Variants in COL5A1 observed in about 807,000 individuals in gnomAD.
COL5A1 encodes collagen type V alpha 1 chain, also known as collagen alpha-1(V) chain.
Under a neutral mutation model 263.7 loss-of-function variants are expected in COL5A1, and 16 were observed. That is an observed-to-expected ratio of 0.06 (90% CI 0.04 to 0.09). The LOEUF is 0.09. Among genes scored for constraint, COL5A1 ranks in the 10% least tolerant of loss-of-function variants. The pLI is 1.00. For missense variants in COL5A1, 2,036 were observed against 2,540.5 expected, an observed-to-expected ratio of 0.80 and a Z score of 4.27; for synonymous variants, 1,012 against 1,004.5, an observed-to-expected ratio of 1.01 and a Z score of -0.14.
At chr9:134,760,660 CACA>C (rs2132713196) in intron 18 of COL5A1, among the ~76,000 whole-genome samples, 2 of 136,654 alleles carry the variant, frequency 1.5e-5, no homozygotes, top group African/African-American at 2.8e-5. Context: ...TGCACACACA[CACA>C]CCACACATGC....
Position 134,758,424 on chromosome 9 carries a change from T to C in COL5A1, c.1935+128T>C. ...AGGTCTCCGCCATTCCAACAGTCAG[T>C]ATACAAACCTCACGGGAGTCAGCAA... On this transcript the variant is annotated intron_variant, in intron 18 of 65. Coordinates refer to ENST00000371817, the MANE Select transcript of COL5A1 (RefSeq NM_000093.5). This position sits in a 1 kb window ranked among gnomAD's most constrained non-coding sequence, Gnocchi z 4.1. 1.1e-6 allele frequency: 1 copy of C among 905,660 alleles called. No individual in the cohort carries two copies. The highest frequency in any genetic ancestry group is 2.6e-5 in the East Asian group (1 of 38,750). 56.1% of individuals were successfully genotyped at this position (905,660 alleles called of 1,614,324 possible). A position where few individuals can be genotyped will look rare whatever the true frequency, so the allele number is the denominator to read the frequency against.
intron 32 of COL5A1, among the ~76,000 whole-genome samples, chr9:134,791,706 G>A (rs1267731908): frequency 1.3e-5 from 2 of 151,452 alleles, no homozygotes; most frequent in Non-Finnish European, 2.9e-5. Flanking sequence ...AACAGATGCT[G>A]CCTCCCAGGT....
intron 60 of COL5A1, 90 bp from the exon 61 acceptor site, chr9:134,823,326 G>A: frequency 7.0e-7 from 1 of 1,421,422 alleles, no homozygotes; most frequent in Non-Finnish European, 1.0e-6. Context: ...CCCCCACATA[G>A]GTCTCCAGGG....
chr9:134,819,135 T>G, intron 57 of COL5A1, 82 bp downstream of exon 57: 70 of 1,416,576 alleles, frequency 4.9e-5, no homozygotes, highest in Non-Finnish European at 6.3e-5. Context: ...CAACAAGCTC[T>G]TGATCCGTCA....
chr9:134,754,440 T>A lies in COL5A1; in HGVS notation c.1827+114T>A. The A allele has an allele frequency of 8.0e-7, 1 of 1,247,006 alleles. No homozygotes were observed. The highest frequency in any genetic ancestry group is 1.2e-6 in the Non-Finnish European group (1 of 851,940). 77.2% of individuals were successfully genotyped at this position (1,247,006 alleles called of 1,614,324 possible). A position where few individuals can be genotyped will look rare whatever the true frequency, so the allele number is the denominator to read the frequency against. On this transcript the variant is annotated intron_variant, in intron 16 of 65. Transcript: ENST00000371817. This position sits in a 1 kb window ranked among gnomAD's most constrained non-coding sequence, Gnocchi z 4.3. ...GCTGGGCCACATGAAGCCAGGTGGC[T>A]CCCCTTCTTGTGATGGGTGCGTCCA...
intron 4 of COL5A1, among the ~76,000 whole-genome samples, chr9:134,703,850 A>G (rs7848062): frequency 0.45 from 67,803 of 151,350 alleles, 16,219 homozygotes; most frequent in Admixed American, 0.61. Context: ...TGTGTTAGCC[A>G]GGATGGTCTC....
intron 38 of COL5A1, among the ~76,000 whole-genome samples, chr9:134,802,282 G>T (rs529350733): frequency 6.6e-6 from 1 of 152,176 alleles, no homozygotes; most frequent in Non-Finnish European, 1.5e-5. Context: ...GCCAGCTCAG[G>T]AGCTGGGCTC....
intron 4 of COL5A1, among the ~76,000 whole-genome samples, chr9:134,724,208 TC>T (rs1344929270): frequency 6.6e-6 from 1 of 152,188 alleles, no homozygotes; most frequent in East Asian, 1.9e-4. Context: ...GCACATGCCT[TC>T]CCCCATTGAC....
chr9:134,644,608 A>G (rs1163840474), intron 1 of COL5A1, among the ~76,000 whole-genome samples: 1 of 151,938 alleles, frequency 6.6e-6, no homozygotes, highest in Non-Finnish European at 1.5e-5. Context: ...GCCACCAGCA[A>G]GTGCCTGCTG....
rs943747541 is a variant in COL5A1 at position 134,765,527 on chromosome 9, G to C, written c.2035-154G>C. Among the ~76,000 whole-genome samples, 1 of 152,152 alleles carries C rather than the reference G, an allele frequency of 6.6e-6. No homozygotes were observed. Among genetic ancestry groups the C allele is most frequent in the African/African-American group, 2.4e-5 (1 of 41,440 alleles). Reference sequence around the variant, plus strand: ...TGGAGGGAGGCAGCGCAGCAGGCTGGGAGGGAGTCTGGGCCTCACTCCTGG... The same window carrying C: ...TGGAGGGAGGCAGCGCAGCAGGCTGCGAGGGAGTCTGGGCCTCACTCCTGG... On this transcript the variant is annotated intron_variant, in intron 20 of 65. Transcript: ENST00000371817. The surrounding 1 kb of genome is among the most constrained non-coding windows in gnomAD (Gnocchi z 5.1).
chr9:134,818,954 A>G lies in COL5A1; in HGVS notation c.4393-46A>G. Reference sequence around the variant, plus strand: ...AGCGGGTGGGATGACTTCGCCACCCAAAGCCCCAAGGATGAGGACTCTGAT... The same window carrying G: ...AGCGGGTGGGATGACTTCGCCACCCGAAGCCCCAAGGATGAGGACTCTGAT... On this transcript the variant is annotated intron_variant, in intron 56 of 65. Coordinates refer to ENST00000371817, the MANE Select transcript of COL5A1 (RefSeq NM_000093.5). The surrounding 1 kb of genome is among the most constrained non-coding windows in gnomAD (Gnocchi z 6.0). 1.2e-6 allele frequency: 2 copies of G among 1,613,076 alleles called. No homozygotes were observed. Among genetic ancestry groups the G allele is most frequent in the Non-Finnish European group, 1.7e-6 (2 of 1,179,716 alleles).
chr9:134,693,028 G>C (rs547493735), intron 2 of COL5A1, among the ~76,000 whole-genome samples: 6 of 152,086 alleles, frequency 3.9e-5, no homozygotes, highest in Non-Finnish European at 8.8e-5. Context: ...AGCTGAGATC[G>C]CACCACTGCA....
rs560036723 is a variant in COL5A1, at chr9:134,816,920, G to T, written c.4123-106G>T. 4.9e-6 allele frequency: 5 copies of T among 1,026,674 alleles called. No homozygotes were observed. In the East Asian group the frequency reaches 9.5e-5, roughly 20 times the overall value. 63.6% of individuals were successfully genotyped at this position (1,026,674 alleles called of 1,614,324 possible). A position where few individuals can be genotyped will look rare whatever the true frequency, so the allele number is the denominator to read the frequency against. On this transcript the variant is annotated intron_variant, in intron 52 of 65. Transcript: ENST00000371817. The stretch of plus-strand genomic sequence containing the variant: ...GCCCCAAAAGAAGAGAGAGGCGGCC[G>T]CAGGGCTGGCCGAGGAGTAAATAGA...
At chr9:134,761,069 ACACACATGCACACGTGCACACACCC>A (rs1836410805) in intron 18 of COL5A1, among the ~76,000 whole-genome samples, 2 of 145,792 alleles carry the variant, frequency 1.4e-5, no homozygotes, top group Admixed American at 6.8e-5. Context: ...ACCCACATGC[ACACACATGCACACGTGCACACACCC>A]CACACATGCA....
rs551353227 is a variant in COL5A1, at chr9:134,829,861, G to A, written c.5068-115G>A. On this transcript the variant is annotated intron_variant, in intron 63 of 65. Transcript: ENST00000371817. ...GGTGGGTCCTCCCTGCAGCCCCCCC[G>A]GCGTGAGGATGCAGGCGCGGGGGCC... 3,283 of 1,173,470 alleles carry A rather than the reference G, an allele frequency of 2.8e-3. 50 individuals are homozygous for A. In the African/African-American group the frequency reaches 0.037, roughly 13 times the overall value. 72.7% of individuals were successfully genotyped at this position (1,173,470 alleles called of 1,614,324 possible). A position where few individuals can be genotyped will look rare whatever the true frequency, so the allele number is the denominator to read the frequency against.
At chr9:134,824,509 C>T (rs774909864) in intron 61 of COL5A1, 91 bp from the exon 62 acceptor site, 11 of 1,545,472 alleles carry the variant, frequency 7.1e-6, no homozygotes, top group African/African-American at 1.4e-5. Flanking sequence ...GGAACCCCTG[C>T]AGATGTGGCC....
At chr9:134,748,225 GCACACCCA>G (rs1229628507) in intron 11 of COL5A1, among the ~76,000 whole-genome samples, 6 of 138,780 alleles carry the variant, frequency 4.3e-5, no homozygotes, top group Admixed American at 2.9e-4. Flanking sequence ...GCATTCATAT[GCACACCCA>G]CACACATGCA....
At chr9:134,805,817 T>C (rs892271068) in intron 41 of COL5A1, among the ~76,000 whole-genome samples, 17 of 148,798 alleles carry the variant, frequency 1.1e-4, no homozygotes, top group Admixed American at 6.7e-5. Context: ...GGAGAGGGGG[T>C]GCCCCGTGGG....
intron 58 of COL5A1, 87 bp downstream of exon 58, chr9:134,820,310 CAG>C (rs1027292432): frequency 1.9e-6 from 2 of 1,050,794 alleles, no homozygotes; most frequent in African/African-American, 3.1e-5. Flanking sequence ...GGAGGCCCAT[CAG>C]AGCCCGGAAG....
Sources: allele counts gnomAD v4.1 joint callset (sites outside exome capture counted in the v4.1 genomes callset), GRCh38; gene constraint gnomAD v4.1.1; non-coding constraint Gnocchi (gnomAD v3.1); transcripts MANE v1.5; gene names NCBI Gene and HGNC (gene_info 2026-07-23, HGNC 2026-07-21).